Variants in LSP1 observed in about 807,000 individuals in gnomAD.
LSP1 encodes the protein lymphocyte specific protein 1.
A neutral mutation model predicts 49.3 loss-of-function variants in LSP1; 32 were observed. That is an observed-to-expected ratio of 0.65 (90% CI 0.49 to 0.87). The LOEUF (loss-of-function observed/expected upper bound fraction) is 0.87. Ranked by LOEUF, LSP1 falls within the 40% of genes least tolerant of loss-of-function variation. The pLI is 0.00. For synonymous variants in LSP1, 179 were observed against 178.8 expected (o/e 1.00, Z -0.01); for missense variants, 428 against 442.6 (o/e 0.97, Z 0.30).
intron 1 of LSP1, chr11:1,871,521 G>A (rs557213127): frequency 6.2e-6 from 6 of 965,316 alleles, no homozygotes; most frequent in Middle Eastern, 5.3e-4. Context: ...GGACCAATGG[G>A]AAGCCAGGGG....
At chr11:1,875,224 T>C (rs1200414132) in intron 1 of LSP1, among the ~76,000 whole-genome samples, 1 of 152,182 alleles carries the variant, frequency 6.6e-6, no homozygotes, top group Non-Finnish European at 1.5e-5. Flanking sequence ...AGGAGTTCTG[T>C]CTTCCCAGGG....
At chr11:1,889,253 C>T in intron 10 of LSP1, 1 of 676,716 alleles carries the variant, frequency 1.5e-6, no homozygotes, top group South Asian at 1.6e-5. Flanking sequence ...CCTGCAGCTT[C>T]CGGGCGTTGA....
At chr11:1,877,643 G>GA (rs1452086744) in intron 1 of LSP1, among the ~76,000 whole-genome samples, 4 of 152,194 alleles carry the variant, frequency 2.6e-5, no homozygotes, top group African/African-American at 9.6e-5. Context: ...CCTGGAGGGG[G>GA]ACGTGGTCCC....
At chr11:1,879,928 T>C in intron 1 of LSP1, 159 bp from the exon 2 acceptor site, 4 of 768,624 alleles carry the variant, frequency 5.2e-6, no homozygotes, top group East Asian at 3.0e-5. Context: ...TATTTAAAGA[T>C]GGACAAGGTG....
In LSP1 at chr11:1,883,441, AAGG is replaced by A. The variant is rs757768322; in HGVS notation, c.384_386del (p.Glu128del). 5 of 1,613,938 alleles carry A rather than the reference AAGG, an allele frequency of 3.1e-6. No homozygotes were observed. The highest frequency in any genetic ancestry group is 2.2e-5 in the East Asian group (1 of 44,894). Reference sequence around the variant, plus strand: ...CAGGCCCGGCCTGCATGCCTACGAAAAGGAGGACAGTGATGAAGTCCACCTGGA... The same window carrying A: ...CAGGCCCGGCCTGCATGCCTACGAAAAGGACAGTGATGAAGTCCACCTGGA... On this transcript the variant is annotated inframe_deletion, in exon 4 of 11. Transcript: ENST00000311604.
rs1271311381 is a variant in LSP1 at position 1,884,482 on chromosome 11, A to G, written c.636-18A>G. The G allele has an allele frequency of 6.2e-7, 1 of 1,611,408 alleles. No individual in the cohort carries two copies. Among genetic ancestry groups the G allele is most frequent in the Admixed American group, 1.7e-5 (1 of 59,992 alleles). On this transcript the variant is annotated intron_variant, in intron 6 of 10. Coordinates refer to ENST00000311604, the MANE Select transcript of LSP1 (RefSeq NM_002339.3). The surrounding 1 kb of genome is among the most constrained non-coding windows in gnomAD (Gnocchi z 4.1). ...CCTTGTGGGAGACATGGGGCCTGAC[A>G]CATCTTCTACCCTCCAGTAACAGTG...
intron 7 of LSP1, among the ~76,000 whole-genome samples, chr11:1,885,824 C>T (rs1363339302): frequency 6.6e-6 from 1 of 151,794 alleles, no homozygotes; most frequent in East Asian, 1.9e-4. Context: ...TCCATCCATA[C>T]TTTACTCCTT....
At position 1,853,211 on chromosome 11, in the gene LSP1, G is replaced by A; in HGVS notation, c.53+14G>A. ...AGAGTTGCTGGGGTAAGGGTCTGCGGCGACGCCCGGCGCCCTGTGCCGTGT... is the reference window on the plus strand; with the variant it reads ...AGAGTTGCTGGGGTAAGGGTCTGCGACGACGCCCGGCGCCCTGTGCCGTGT... On this transcript the variant is annotated intron_variant, in intron 1 of 10. Coordinates refer to ENST00000311604, the MANE Select transcript of LSP1 (RefSeq NM_002339.3). 1.2e-6 allele frequency: 2 copies of A among 1,605,812 alleles called. No homozygotes were observed. Among genetic ancestry groups the A allele is most frequent in the South Asian group, 2.2e-5 (2 of 89,974 alleles).
Position 1,887,510 on chromosome 11 carries a change from A to G in LSP1, c.967A>G (p.Thr323Ala). The G allele has an allele frequency of 6.2e-7, 1 of 1,613,358 alleles. No homozygotes were observed. Among genetic ancestry groups the G allele is most frequent in the Middle Eastern group, 1.7e-4 (1 of 6,060 alleles). The change falls in exon 10 of 11, where the codon ACC (threonine) becomes GCC (alanine). Residue 323 changes from threonine to alanine, a missense_variant. Thr to Ala is a moderately conservative substitution (Grantham distance 58). Transcript: ENST00000311604. ...PSGKRYKFVA[T>A]GHGKYEKVLV... is the part of the protein sequence containing the mutation. ...TGGGAAGAGGTATAAGTTTGTGGCC[A>G]CCGGGCATGGGAAGTATGAGAAGGT... is the stretch of plus-strand genomic sequence containing the variant.
At chr11:1,883,888 C>A in intron 4 of LSP1, 44 bp from the exon 5 acceptor site, 1 of 1,539,426 alleles carries the variant, frequency 6.5e-7, no homozygotes, top group Non-Finnish European at 8.8e-7. Flanking sequence ...GCAGGAGGGG[C>A]ACAAGCAGGG....
rs765292897 is a variant in LSP1, at chr11:1,884,621, A to G, written c.717+40A>G. 1 of 1,552,972 alleles carries G rather than the reference A, an allele frequency of 6.4e-7. No individual in the cohort carries two copies. The highest frequency in any genetic ancestry group is 8.9e-7 in the Non-Finnish European group (1 of 1,125,550). ...CCCTCTGCTGTCAGGTCCCTCCTGC[A>G]TCCTGGCACCATTCCTTCATCCAAC... On this transcript the variant is annotated intron_variant, in intron 7 of 10. Coordinates refer to ENST00000311604, the MANE Select transcript of LSP1 (RefSeq NM_002339.3). The surrounding 1 kb of genome is among the most constrained non-coding windows in gnomAD (Gnocchi z 4.1).
At chr11:1,881,333 T>TG in intron 2 of LSP1, 99 bp from the exon 3 acceptor site, 1 of 1,202,230 alleles carries the variant, frequency 8.3e-7, no homozygotes, top group Non-Finnish European at 1.1e-6. Flanking sequence ...CTCCCACACT[T>TG]GGAGTCCAGG....
intron 1 of LSP1, chr11:1,865,100 G>C (rs1847743407): frequency 1.6e-6 from 1 of 641,804 alleles, no homozygotes; most frequent in African/African-American, 2.0e-5. Flanking sequence ...TGCGGGAGGA[G>C]GGCAGCAGAG....
intron 1 of LSP1, among the ~76,000 whole-genome samples, chr11:1,877,329 C>T (rs1462016908): frequency 6.6e-6 from 1 of 152,172 alleles, no homozygotes; most frequent in African/African-American, 2.4e-5. Flanking sequence ...GGCCCAGAGG[C>T]CTCCACGTCC....
At chr11:1,866,573 T>A (rs2133069881) in intron 1 of LSP1, 1 of 1,548,754 alleles carries the variant, frequency 6.5e-7, no homozygotes, top group East Asian at 2.4e-5. Flanking sequence ...TGGGCACACC[T>A]CATCCCAGCC....
intron 4 of LSP1, 82 bp downstream of exon 4, chr11:1,883,642 G>A: frequency 6.7e-7 from 1 of 1,502,248 alleles, no homozygotes; most frequent in Non-Finnish European, 9.0e-7. Context: ...CACTCTGTGG[G>A]CCCTGTGGGT....
At chr11:1,867,233 C>T (rs1847823233) in intron 1 of LSP1, among the ~76,000 whole-genome samples, 1 of 152,100 alleles carries the variant, frequency 6.6e-6, no homozygotes, top group Non-Finnish European at 1.5e-5. Flanking sequence ...GTCCCTTGTC[C>T]AGCTAAGGGG....
At position 1,889,797 on chromosome 11, in the gene LSP1, C is replaced by G. The variant is rs1180095683; in HGVS notation, c.*14-1976C>G. 3.1e-5 allele frequency: 20 copies of G among 643,718 alleles called. 1 individual carries two copies. In the South Asian group the frequency reaches 3.2e-4, roughly 10 times the overall value. 39.9% of individuals were successfully genotyped at this position (643,718 alleles called of 1,614,324 possible). A position where few individuals can be genotyped will look rare whatever the true frequency, so the allele number is the denominator to read the frequency against. On this transcript the variant is annotated intron_variant, in intron 10 of 10. Coordinates refer to ENST00000311604, the MANE Select transcript of LSP1 (RefSeq NM_002339.3). The stretch of plus-strand genomic sequence containing the variant: ...GGCTATGGGCACCACAACCCTGGCA[C>G]TAGCCTCTCTGGGCACTGAGGCCTG...
chr11:1,869,591 G>A (rs76085728), intron 1 of LSP1: 21,883 of 467,690 alleles, frequency 0.047, 841 homozygotes, highest in South Asian at 0.11. Flanking sequence ...TCTCTCCCAC[G>A]TGGGCCGCAC....
Sources: gnomAD v4.1 joint callset for allele counts (sites outside exome capture counted in the v4.1 genomes callset) on GRCh38, gnomAD v4.1.1 for gene constraint, Gnocchi (gnomAD v3.1) non-coding constraint, MANE v1.5 for transcripts, NCBI Gene and HGNC (gene_info 2026-07-23, HGNC 2026-07-21) for gene names.